KIF20B: variants seen among roughly 807,000 people sequenced by gnomAD.
KIF20B encodes the protein kinesin-like protein KIF20B.
Under a neutral mutation model 232.5 loss-of-function variants are expected in KIF20B, and 188 were observed. The ratio of observed to expected loss-of-function variants is 0.81; its 90% CI spans 0.72 to 0.91. KIF20B has a LOEUF of 0.91. KIF20B is among the 40% of genes least tolerant of loss of function. The pLI is 0.00. For synonymous variants in KIF20B, 712 were observed against 683.0 expected, an observed-to-expected ratio of 1.04 and a Z score of -0.66; for missense variants, 2,154 against 2,055.9, an observed-to-expected ratio of 1.05 and a Z score of -0.92.
At chr10:89,741,053 A>G (rs113815190) in intron 21 of KIF20B, among the ~76,000 whole-genome samples, 6,413 of 152,238 alleles carry the variant, frequency 0.042, 393 homozygotes, top group African/African-American at 0.14. Flanking sequence ...ATAATGAAGC[A>G]ATTATACAAT....
intron 23 of KIF20B, among the ~76,000 whole-genome samples, chr10:89,746,439 A>G (rs556060471): frequency 3.4e-4 from 52 of 152,278 alleles, no homozygotes; most frequent in African/African-American, 1.2e-3. Flanking sequence ...GACTGCCCGC[A>G]ACCAAATTCC....
intron 17 of KIF20B, among the ~76,000 whole-genome samples, chr10:89,728,915 G>T (rs1404301590): frequency 2.5e-5 from 2 of 78,544 alleles, no homozygotes; most frequent in African/African-American, 8.4e-5. Flanking sequence ...TTGTGTGTGT[G>T]TGTGTGTGTG....
chr10:89,716,406 A>G, intron 8 of KIF20B, 30 bp from the exon 9 acceptor site: 1 of 933,566 alleles, frequency 1.1e-6, no homozygotes, highest in Non-Finnish European at 1.7e-6. Flanking sequence ...GTCTCAATAA[A>G]TTAATATATA....
chr10:89,725,354 AT>A (rs1843159848), intron 15 of KIF20B, among the ~76,000 whole-genome samples, 196 bp downstream of exon 15: 1 of 147,766 alleles, frequency 6.8e-6, no homozygotes, highest in African/African-American at 2.5e-5. Context: ...GTTTTGAAAA[AT>A]TTATACCTCT....
At position 89,758,845 on chromosome 10, in the gene KIF20B, A is replaced by G. The variant is rs1842183596; in HGVS notation, c.4643A>G (p.Glu1548Gly). ...SSNVQKDNEI[E>G]QLKRIISETS... ...AATGTACAGAAAGATAATGAAATTG[A>G]ACAACTAAAAAGGATCATATCAGAG... Residue 1548 changes from glutamate to glycine, a missense_variant, in exon 27 of 33, where the codon GAA becomes GGA. Coordinates refer to ENST00000371728, the MANE Select transcript of KIF20B (RefSeq NM_001284259.2). 6.3e-7 allele frequency: 1 copy of G among 1,595,570 alleles called. No homozygotes were observed.
chr10:89,715,971 A>G (rs1842926521), intron 8 of KIF20B, among the ~76,000 whole-genome samples: 1 of 146,940 alleles, frequency 6.8e-6, no homozygotes, highest in Non-Finnish European at 1.5e-5. Flanking sequence ...AGGCTGGGCA[A>G]CAGAGTGAAA....
At chr10:89,715,795 A>C (rs773723727) in intron 8 of KIF20B, among the ~76,000 whole-genome samples, 3 of 152,074 alleles carry the variant, frequency 2.0e-5, no homozygotes, top group Non-Finnish European at 4.4e-5. Context: ...ATTCGAGACG[A>C]GCTTGGTCAA....
intron 29 of KIF20B, among the ~76,000 whole-genome samples, chr10:89,767,095 C>T (rs914093420): frequency 2.6e-5 from 4 of 151,606 alleles, no homozygotes; most frequent in Admixed American, 1.3e-4. Flanking sequence ...TGATTTTACT[C>T]AATCTTCACT....
chr10:89,750,234 C>G (rs775748102), intron 23 of KIF20B, among the ~76,000 whole-genome samples: 1 of 151,996 alleles, frequency 6.6e-6, no homozygotes, highest in Non-Finnish European at 1.5e-5. Context: ...TTTGTAAATT[C>G]TTTTTCTAGT....
In KIF20B at chr10:89,723,993, A is replaced by G. The variant is rs749052571; in HGVS notation, c.1752A>G (p.Lys584=). 6.3e-7 allele frequency: 1 copy of G among 1,576,400 alleles called. No individual in the cohort carries two copies. The highest frequency in any genetic ancestry group is 1.4e-5 in the African/African-American group (1 of 72,446). ...TGTTGGACTTAATAGAAGACTTGAA[A>G]AAAAAACTGATAAATGAAAAAAAGG... ...RKLLDLIEDL[K]KKLINEKKEK... The change falls in exon 14 of 33, where the codon AAA becomes AAG. Residue 584 remains lysine (K), a synonymous_variant. Transcript: ENST00000371728.
At chr10:89,742,057 G>A (rs116441296) in intron 21 of KIF20B, among the ~76,000 whole-genome samples, 2,163 of 151,686 alleles carry the variant, frequency 0.014, 57 homozygotes, top group African/African-American at 0.049. Context: ...AATAAATAAA[G>A]AAAAAAAATT....
At position 89,762,769 on chromosome 10, in the gene KIF20B, T is replaced by C; in HGVS notation, c.4923T>C (p.Gly1641=). ...QPNKMAVKHP[G]CTTPVTVKIP... ...ACAAAATGGCAGTGAAACACCCTGG[T>C]TGTACCACACCAGTGACAGTTAAGA... The change falls in exon 29 of 33, where the codon GGT becomes GGC. Residue 1641 remains glycine (G), a synonymous_variant. Coordinates refer to ENST00000371728, the MANE Select transcript of KIF20B (RefSeq NM_001284259.2). 6.2e-7 allele frequency: 1 copy of C among 1,613,532 alleles called. No individual in the cohort carries two copies. Among genetic ancestry groups the C allele is most frequent in the Non-Finnish European group, 8.5e-7 (1 of 1,179,662 alleles).
At chr10:89,755,637 A>C (rs1842105969) in intron 26 of KIF20B, among the ~76,000 whole-genome samples, 1 of 151,278 alleles carries the variant, frequency 6.6e-6, no homozygotes, top group South Asian at 2.1e-4. Context: ...TCTGTCACCC[A>C]GGCTGGAATG....
At position 89,714,434 on chromosome 10, in the gene KIF20B, C is replaced by T. The variant is rs147856739; in HGVS notation, c.712+351C>T. Among the ~76,000 whole-genome samples, 178 of 151,988 alleles carry T rather than the reference C, an allele frequency of 1.2e-3. 1 individual carries two copies. In the East Asian group the frequency reaches 0.031, roughly 26 times the overall value. On this transcript the variant is annotated intron_variant, in intron 7 of 32. Coordinates refer to ENST00000371728, the MANE Select transcript of KIF20B (RefSeq NM_001284259.2). ...TGGAGGTTGCAGTGAGCCGAGATCG[C>T]GCCACTGCACTCCAGCCTGACAACA...
chr10:89,763,042 G>A (rs1301807056), intron 29 of KIF20B, among the ~76,000 whole-genome samples: 1 of 152,146 alleles, frequency 6.6e-6, no homozygotes, highest in Non-Finnish European at 1.5e-5. Context: ...AGCACTTTGG[G>A]AGGCTGGGGC....
chr10:89,735,058 A>G (rs1253834811), intron 19 of KIF20B, among the ~76,000 whole-genome samples: 1 of 152,226 alleles, frequency 6.6e-6, no homozygotes, highest in African/African-American at 2.4e-5. Flanking sequence ...CAATAAAACT[A>G]GAAAATCACT....
chr10:89,744,011 AT>A, intron 22 of KIF20B, 84 bp downstream of exon 22: 1 of 1,135,268 alleles, frequency 8.8e-7, no homozygotes. Flanking sequence ...TTTGTTTTTA[AT>A]AACATCCTGT....
rs1271964118 is a variant in KIF20B, at chr10:89,772,716, C to T, written c.5270C>T (p.Ser1757Phe). ...KAKKIIETMS[S>F]SKLSNVEASK... ...AAGAAGATAATTGAAACAATGAGCT[C>T]TTCAAAGCTCTCAAATGTAGAAGCA... The change falls in exon 32 of 33, where the codon TCT becomes TTT. Residue 1757 changes from serine to phenylalanine, a missense_variant. Transcript: ENST00000371728. The T allele has an allele frequency of 6.3e-7, 1 of 1,599,244 alleles. No homozygotes were observed. The highest frequency in any genetic ancestry group is 8.5e-7 in the Non-Finnish European group (1 of 1,170,194).
At chr10:89,719,352 A>G (rs923191289) in intron 12 of KIF20B, 67 bp from the exon 13 acceptor site, 2 of 1,141,234 alleles carry the variant, frequency 1.8e-6, no homozygotes, top group Non-Finnish European at 2.5e-6. Context: ...AATTTATAAA[A>G]TAATCATTTT....
Sources: allele counts gnomAD v4.1 joint callset (sites outside exome capture counted in the v4.1 genomes callset), GRCh38; gene constraint gnomAD v4.1.1; transcripts MANE v1.5; gene names NCBI Gene and HGNC (gene_info 2026-07-23, HGNC 2026-07-21).